The following BFSP2 variants were observed in gnomAD, a reference collection of about 807,000 sequenced individuals.
The protein encoded by BFSP2 is phakinin.
Under a neutral mutation model 44.9 loss-of-function variants are expected in BFSP2, and 38 were observed. The ratio of observed to expected loss-of-function variants is 0.85; its 90% CI spans 0.65 to 1.11. The LOEUF (loss-of-function observed/expected upper bound fraction) is 1.11. Ranked by LOEUF, BFSP2 falls within the 50% of genes least tolerant of loss-of-function variation. The probability of loss-of-function intolerance (pLI) is 0.00; values close to 1 mark genes in which losing one functional copy is unlikely to be tolerated. For synonymous variants in BFSP2, 197 were observed against 209.9 expected (o/e 0.94, Z 0.53); for missense variants, 525 against 533.0 (o/e 0.99, Z 0.15).
chr3:133,475,197 G>A lies in BFSP2; in HGVS notation c.*225G>A, dbSNP rs2074202598. 9.4e-6 allele frequency: 6 copies of A among 639,062 alleles called. No homozygotes were observed. The highest frequency in any genetic ancestry group is 1.4e-5 in the Non-Finnish European group (5 of 366,626). The allele number at this position is 639,062 out of a possible 1,614,324, so 39.6% of individuals were successfully genotyped here. On this transcript the variant is annotated 3_prime_UTR_variant, in exon 7 of 7. Transcript: ENST00000302334. ...GTCCTCCTTCAAATAAATGCTTTGTGCGCAGCGTCCAGTTTGCCCACCTTG... is the reference window on the plus strand; with the variant it reads ...GTCCTCCTTCAAATAAATGCTTTGTACGCAGCGTCCAGTTTGCCCACCTTG...
At chr3:133,472,147 T>G (rs1338344374) in intron 5 of BFSP2, among the ~76,000 whole-genome samples, 198 bp from the exon 6 acceptor site, 1 of 152,056 alleles carries the variant, frequency 6.6e-6, no homozygotes, top group Non-Finnish European at 1.5e-5. Flanking sequence ...TAATCCACAG[T>G]CTGACCTGAG....
At chr3:133,454,946 T>C (rs191512934) in intron 4 of BFSP2, among the ~76,000 whole-genome samples, 1 of 152,330 alleles carries the variant, frequency 6.6e-6, no homozygotes, top group East Asian at 1.9e-4. Context: ...CACATTAGCC[T>C]AGGCCTACAC....
At chr3:133,447,437 C>A in intron 2 of BFSP2, 38 bp downstream of exon 2, 2 of 1,589,560 alleles carry the variant, frequency 1.3e-6, no homozygotes, top group Non-Finnish European at 1.7e-6. Flanking sequence ...CCCTCCACAT[C>A]CCTAGACTCC....
chr3:133,425,681 G>A (rs961954822), intron 1 of BFSP2, among the ~76,000 whole-genome samples: 4 of 151,390 alleles, frequency 2.6e-5, no homozygotes, highest in African/African-American at 4.9e-5. Flanking sequence ...AGTCAGTTCC[G>A]TCTCTCTTTC....
At chr3:133,414,706 A>C (rs2073494141) in intron 1 of BFSP2, among the ~76,000 whole-genome samples, 1 of 93,970 alleles carries the variant, frequency 1.1e-5, no homozygotes, top group Admixed American at 1.1e-4. Context: ...TGCTCTACTC[A>C]CCACTGCCCT....
intron 1 of BFSP2, among the ~76,000 whole-genome samples, chr3:133,416,003 ATTCACCCCGTC>A (rs2073523137): frequency 5.8e-5 from 4 of 68,750 alleles, no homozygotes; most frequent in African/African-American, 1.2e-4. Flanking sequence ...TCTCCCTTCT[ATTCACCCCGTC>A]CTCTCCCCTC....
At chr3:133,450,508 G>A in intron 4 of BFSP2, 44 bp downstream of exon 4, 1 of 1,611,664 alleles carries the variant, frequency 6.2e-7, no homozygotes, top group Non-Finnish European at 8.5e-7. Flanking sequence ...CTATGCAGAA[G>A]GAGGCCACGC....
chr3:133,458,562 G>A (rs2074034137), intron 4 of BFSP2, among the ~76,000 whole-genome samples: 1 of 152,126 alleles, frequency 6.6e-6, no homozygotes, highest in African/African-American at 2.4e-5. Flanking sequence ...GGGTGTGGTG[G>A]CACACACATG....
intron 1 of BFSP2, among the ~76,000 whole-genome samples, chr3:133,444,674 C>T (rs1462149777): frequency 6.6e-6 from 1 of 152,108 alleles, no homozygotes; most frequent in East Asian, 1.9e-4. Context: ...ATTGTTTTCC[C>T]TCACTCTCCC....
intron 1 of BFSP2, among the ~76,000 whole-genome samples, chr3:133,439,415 G>A (rs1272059541): frequency 3.3e-5 from 5 of 152,244 alleles, no homozygotes; most frequent in Non-Finnish European, 1.5e-5. Flanking sequence ...TGCTAAGGAA[G>A]CAGAGATGAG....
intron 1 of BFSP2, chr3:133,410,563 A>T (rs560911493): frequency 8.3e-5 from 23 of 277,118 alleles, no homozygotes; most frequent in Admixed American, 2.4e-4. Context: ...GCAAACGGGG[A>T]TTCTCCCTCT....
At chr3:133,470,084 G>A (rs181975802) in intron 5 of BFSP2, among the ~76,000 whole-genome samples, 1 of 152,282 alleles carries the variant, frequency 6.6e-6, no homozygotes. Flanking sequence ...AAGTCAAGGT[G>A]GCCATTTCTG....
intron 1 of BFSP2, among the ~76,000 whole-genome samples, chr3:133,439,328 T>C (rs2073822120): frequency 1.3e-5 from 2 of 152,238 alleles, no homozygotes; most frequent in African/African-American, 4.8e-5. Context: ...GTTATATTTC[T>C]CTCCTCAGCT....
At chr3:133,405,110 G>C (rs2073393505) in intron 1 of BFSP2, among the ~76,000 whole-genome samples, 1 of 152,184 alleles carries the variant, frequency 6.6e-6, no homozygotes, top group Admixed American at 6.5e-5. Context: ...AAGGAGAGTG[G>C]GGTCAGAGGA....
intron 1 of BFSP2, among the ~76,000 whole-genome samples, chr3:133,424,240 T>TG (rs1559963476): frequency 2.1e-5 from 3 of 146,206 alleles, no homozygotes; most frequent in Non-Finnish European, 3.0e-5. Flanking sequence ...TTTTTTTTTT[T>TG]TGTATTTTTA....
At chr3:133,467,957 G>A (rs2074127780) in intron 5 of BFSP2, among the ~76,000 whole-genome samples, 1 of 152,130 alleles carries the variant, frequency 6.6e-6, no homozygotes, top group African/African-American at 2.4e-5. Flanking sequence ...TTTATCCCTT[G>A]GGTAAAGAGG....
At position 133,424,239 on chromosome 3, in the gene BFSP2, T is replaced by G. The variant is rs1193300359; in HGVS notation, c.490-23078T>G. ...TTTTTTTTTTTTTTTTTTTTTTTTT[T>G]TTGTATTTTTAGTAGAGATGGAGTT... On this transcript the variant is annotated intron_variant, in intron 1 of 6. Transcript: ENST00000302334. Among the ~76,000 whole-genome samples, 286 of 120,642 alleles carry G rather than the reference T, an allele frequency of 2.4e-3. 9 individuals carry two copies. Among genetic ancestry groups the G allele is most frequent in the African/African-American group, 0.011 (275 of 24,452 alleles). The allele number at this position is 120,642 out of a possible 152,430, so 79.1% of individuals were successfully genotyped here. A position where few individuals can be genotyped will look rare whatever the true frequency, so the allele number is the denominator to read the frequency against.
intron 1 of BFSP2, among the ~76,000 whole-genome samples, chr3:133,414,744 C>T (rs1559959276): frequency 3.8e-5 from 5 of 130,192 alleles, no homozygotes; most frequent in South Asian, 2.7e-4. Flanking sequence ...CTGCCATTTC[C>T]CCTCTACTCA....
At chr3:133,413,711 C>T (rs1232807018) in intron 1 of BFSP2, among the ~76,000 whole-genome samples, 2 of 151,988 alleles carry the variant, frequency 1.3e-5, no homozygotes, top group Admixed American at 6.5e-5. Flanking sequence ...TCAGCAGAAA[C>T]GAGAAGTGAT....
Sources: allele counts gnomAD v4.1 joint callset (sites outside exome capture counted in the v4.1 genomes callset), GRCh38; gene constraint gnomAD v4.1.1; transcripts MANE v1.5; gene names NCBI Gene and HGNC (gene_info 2026-07-23, HGNC 2026-07-21).